Variants in EYS observed in about 807,000 individuals in gnomAD.
The protein encoded by EYS is protein eyes shut homolog.
Under a neutral mutation model 282.1 loss-of-function variants are expected in EYS, and 250 were observed. The ratio of observed to expected loss-of-function variants is 0.89; its 90% confidence interval spans 0.80 to 0.98. The LOEUF (loss-of-function observed/expected upper bound fraction) is 0.98, where lower values mean the gene tolerates loss of function less well. EYS is among the 50% of genes least tolerant of loss of function. The pLI, the probability that EYS is intolerant of heterozygous loss-of-function variation, is 0.00. For missense variants in EYS, 4,016 were observed against 3,709.0 expected, an observed-to-expected ratio of 1.08 and a Z score of -2.15; for synonymous variants, 1,355 against 1,282.9, an observed-to-expected ratio of 1.06 and a Z score of -1.20.
At chr6:63,728,998 A>G (rs1371992397) in intron 41 of EYS, among the ~76,000 whole-genome samples, 1 of 152,100 alleles carries the variant, frequency 6.6e-6, no homozygotes, top group African/African-American at 2.4e-5. Flanking sequence ...GCTTTAGGTG[A>G]TAAGTGTTCG....
intron 31 of EYS, among the ~76,000 whole-genome samples, chr6:64,170,473 G>T (rs1234016651): frequency 3.3e-5 from 5 of 151,910 alleles, no homozygotes; most frequent in African/African-American, 7.3e-5. Context: ...CTCTAGGGAA[G>T]AATTCTTTGT....
intron 26 of EYS, among the ~76,000 whole-genome samples, chr6:64,531,804 A>G (rs1387278064): frequency 2.0e-5 from 3 of 152,050 alleles, no homozygotes; most frequent in Non-Finnish European, 4.4e-5. Context: ...ACTGTGGTGG[A>G]TTACAATATC....
intron 28 of EYS, among the ~76,000 whole-genome samples, chr6:64,402,837 TG>T (rs1445877309): frequency 6.6e-6 from 1 of 152,212 alleles, no homozygotes; most frequent in Non-Finnish European, 1.5e-5. Flanking sequence ...CTTTTGTGTT[TG>T]TATGTGGGAC....
chr6:63,902,300 A>AT (rs1161629896), intron 35 of EYS, among the ~76,000 whole-genome samples: 1 of 152,102 alleles, frequency 6.6e-6, no homozygotes, highest in African/African-American at 2.4e-5. Context: ...AGCAAAAACT[A>AT]TTTTTCAAAA....
chr6:64,149,825 C>G (rs979281270), intron 31 of EYS, among the ~76,000 whole-genome samples: 4 of 152,190 alleles, frequency 2.6e-5, no homozygotes, highest in South Asian at 4.1e-4. Context: ...ATCACCTTGT[C>G]TCTTACTAGC....
chr6:63,805,684 C>A (rs754136506), intron 37 of EYS, among the ~76,000 whole-genome samples: 7 of 152,228 alleles, frequency 4.6e-5, no homozygotes, highest in Non-Finnish European at 8.8e-5. Context: ...AAGGGAGAGA[C>A]CAGGTGGAGG....
chr6:65,233,820 TG>T (rs1306776841), intron 12 of EYS, among the ~76,000 whole-genome samples: 1 of 152,190 alleles, frequency 6.6e-6, no homozygotes, highest in Admixed American at 6.6e-5. Flanking sequence ...TTAAGCTCCT[TG>T]TGTCTATGAG....
chr6:64,679,825 G>A (rs1769833955), intron 22 of EYS, among the ~76,000 whole-genome samples: 1 of 151,874 alleles, frequency 6.6e-6, no homozygotes, highest in South Asian at 2.1e-4. Context: ...TTCTTTTTCT[G>A]AACATTTTAT....
intron 2 of EYS, among the ~76,000 whole-genome samples, chr6:65,498,900 C>T: frequency 6.6e-6 from 1 of 152,108 alleles, no homozygotes; most frequent in South Asian, 2.1e-4. Context: ...ATTCTAAACA[C>T]ACATATTGAT....
chr6:64,438,745 T>A (rs1005104866), intron 27 of EYS, among the ~76,000 whole-genome samples: 4 of 151,724 alleles, frequency 2.6e-5, no homozygotes, highest in Non-Finnish European at 5.9e-5. Flanking sequence ...AGTATGAATG[T>A]AAATTTTTCT....
intron 30 of EYS, among the ~76,000 whole-genome samples, chr6:64,245,864 C>A (rs1307472181): frequency 1.3e-5 from 2 of 151,450 alleles, no homozygotes; most frequent in East Asian, 1.9e-4. Flanking sequence ...ACTAAAAATA[C>A]AAAAATTAGC....
chr6:63,771,142 G>A (rs2149660816), intron 40 of EYS, among the ~76,000 whole-genome samples: 1 of 152,250 alleles, frequency 6.6e-6, no homozygotes, highest in East Asian at 1.9e-4. Flanking sequence ...CTGTCTTTGG[G>A]AAACTACATG....
chr6:64,673,090 T>G (rs938484610), intron 22 of EYS, among the ~76,000 whole-genome samples: 2 of 152,152 alleles, frequency 1.3e-5, no homozygotes, highest in African/African-American at 2.4e-5. Flanking sequence ...TTTTACCCTT[T>G]CTTTTATAAT....
rs9453346 is a variant in EYS at position 65,626,397 on chromosome 6, A to G, written c.-333+13381T>C. On this transcript the variant is annotated intron_variant, in intron 2 of 42. Transcript: ENST00000503581. ...TCTTGTTGTTGTTGTTATCTTCTAT[A>G]TGCATTTAGTAATCTCATATCACTG... Among the ~76,000 whole-genome samples, 136 of 152,264 alleles carry G rather than the reference A, an allele frequency of 8.9e-4. 1 individual carries two copies. The highest frequency in any genetic ancestry group is 2.0e-3 in the African/African-American group (82 of 41,574).
chr6:64,553,739 G>A (rs1057035823), intron 26 of EYS, among the ~76,000 whole-genome samples: 4 of 151,822 alleles, frequency 2.6e-5, no homozygotes, highest in African/African-American at 9.7e-5. Flanking sequence ...TTTTAAAAAA[G>A]AAAATTACAG....
At chr6:64,766,650 ATATATATATATATATATATAT>A (rs368794342) in intron 22 of EYS, among the ~76,000 whole-genome samples, 2 of 27,646 alleles carry the variant, frequency 7.2e-5, no homozygotes, top group East Asian at 1.2e-3. Context: ...AAAAAAAAAA[ATATATATATATATATATATAT>A]ATATATATAT....
At chr6:64,220,293 C>T (rs1766059856) in intron 31 of EYS, among the ~76,000 whole-genome samples, 1 of 151,868 alleles carries the variant, frequency 6.6e-6, no homozygotes, top group Admixed American at 6.6e-5. Context: ...GTTTGTTGAC[C>T]CCACAAATTA....
chr6:64,690,221 GA>G (rs978615445), intron 22 of EYS, among the ~76,000 whole-genome samples: 1 of 151,926 alleles, frequency 6.6e-6, no homozygotes, highest in African/African-American at 2.4e-5. Context: ...ACAAACACAT[GA>G]AAAAATGCTC....
At chr6:64,094,696 T>C (rs1772518444) in intron 31 of EYS, among the ~76,000 whole-genome samples, 1 of 152,186 alleles carries the variant, frequency 6.6e-6, no homozygotes, top group African/African-American at 2.4e-5. Flanking sequence ...GTTGATCTTT[T>C]CAAAAAACCA....
Sources: allele counts gnomAD v4.1 joint callset (sites outside exome capture counted in the v4.1 genomes callset), GRCh38; gene constraint gnomAD v4.1.1; transcripts MANE v1.5; gene names NCBI Gene and HGNC (gene_info 2026-07-23, HGNC 2026-07-21).